The following IFTAP variants were observed in gnomAD, a reference collection of about 807,000 sequenced individuals.
IFTAP encodes the protein intraflagellar transport-associated protein.
A neutral mutation model predicts 19.4 loss-of-function variants in IFTAP; 19 were observed. The observed-to-expected ratio is 0.98, with a 90% confidence interval of 0.68 to 1.44. IFTAP has a LOEUF of 1.44. Among genes scored for constraint, IFTAP ranks in the 40% most tolerant of loss-of-function variants. The pLI is 0.00. For missense variants in IFTAP, 240 were observed against 253.6 expected, an observed-to-expected ratio of 0.95 and a Z score of 0.36; for synonymous variants, 85 against 83.5, an observed-to-expected ratio of 1.02 and a Z score of -0.10.
At chr11:36,626,761 A>G (rs1852531241) in intron 2 of IFTAP, among the ~76,000 whole-genome samples, 1 of 151,284 alleles carries the variant, frequency 6.6e-6, no homozygotes, top group African/African-American at 2.5e-5. Flanking sequence ...AGGTGATTAG[A>G]GAATTATAGC....
At chr11:36,595,677 C>T (rs1275582306) in intron 1 of IFTAP, among the ~76,000 whole-genome samples, 4 of 152,204 alleles carry the variant, frequency 2.6e-5, no homozygotes, top group Non-Finnish European at 1.5e-5. Flanking sequence ...TTTTACCAAC[C>T]TCATATATTG....
At chr11:36,639,784 A>G (rs1853122635) in intron 4 of IFTAP, among the ~76,000 whole-genome samples, 2 of 152,184 alleles carry the variant, frequency 1.3e-5, no homozygotes, top group African/African-American at 4.8e-5. Context: ...ACCAAATTTC[A>G]ACATAAGACT....
intron 1 of IFTAP, among the ~76,000 whole-genome samples, chr11:36,604,329 A>G (rs1368524117): frequency 6.6e-6 from 1 of 152,222 alleles, no homozygotes; most frequent in African/African-American, 2.4e-5. Context: ...GAAGAGGTCT[A>G]TGCCTTTTAC....
chr11:36,617,093 A>T (rs1396450534), intron 2 of IFTAP, among the ~76,000 whole-genome samples: 5 of 151,054 alleles, frequency 3.3e-5, no homozygotes, highest in Non-Finnish European at 1.5e-5. Flanking sequence ...AAATATCTCA[A>T]TATTTTTATA....
chr11:36,608,429 C>A (rs1015762012), intron 1 of IFTAP, among the ~76,000 whole-genome samples: 1 of 152,162 alleles, frequency 6.6e-6, no homozygotes, highest in Non-Finnish European at 1.5e-5. Context: ...ATTGGAGAAA[C>A]CCCTACTTTT....
At chr11:36,651,022 G>A (rs1245329363) in intron 5 of IFTAP, among the ~76,000 whole-genome samples, 2 of 152,164 alleles carry the variant, frequency 1.3e-5, no homozygotes. Context: ...ACATACGTGT[G>A]CATGTGTCTT....
chr11:36,643,516 C>T (rs990369322), intron 4 of IFTAP, among the ~76,000 whole-genome samples: 16 of 152,066 alleles, frequency 1.1e-4, no homozygotes, highest in Non-Finnish European at 1.8e-4. Flanking sequence ...TCATATGGAA[C>T]CAAAAAAGAG....
intron 4 of IFTAP, among the ~76,000 whole-genome samples, chr11:36,639,071 C>A (rs2133475779): frequency 6.6e-6 from 1 of 152,278 alleles, no homozygotes; most frequent in Admixed American, 6.5e-5. Flanking sequence ...AACCTGGTGA[C>A]TGTCATGCCT....
intron 4 of IFTAP, among the ~76,000 whole-genome samples, chr11:36,640,676 G>A (rs972091999): frequency 2.0e-5 from 3 of 152,140 alleles, no homozygotes; most frequent in African/African-American, 2.4e-5. Context: ...TGGATCAAGC[G>A]AAAATTAGAT....
chr11:36,652,721 C>T (rs903388911), intron 5 of IFTAP, among the ~76,000 whole-genome samples: 1 of 151,998 alleles, frequency 6.6e-6, no homozygotes, highest in African/African-American at 2.4e-5. Flanking sequence ...TTTTGAGATA[C>T]ATCCCATCAA....
At chr11:36,602,223 T>C (rs1851535470) in intron 1 of IFTAP, among the ~76,000 whole-genome samples, 1 of 152,200 alleles carries the variant, frequency 6.6e-6, no homozygotes, top group Non-Finnish European at 1.5e-5. Flanking sequence ...GTTGATTTTA[T>C]TTGCAAGATC....
intron 1 of IFTAP, among the ~76,000 whole-genome samples, chr11:36,604,111 T>C (rs1851605735): frequency 6.6e-6 from 1 of 152,170 alleles, no homozygotes; most frequent in Non-Finnish European, 1.5e-5. Context: ...AGGGGAAATG[T>C]ATAGCTATTA....
At chr11:36,626,851 A>G (rs1852534308) in intron 2 of IFTAP, among the ~76,000 whole-genome samples, 1 of 151,072 alleles carries the variant, frequency 6.6e-6, no homozygotes, top group Non-Finnish European at 1.5e-5. Context: ...TTATTTCATC[A>G]TGTGGGGCAG....
Position 36,659,209 on chromosome 11 carries a change from G to T in IFTAP, c.*23G>T, listed in dbSNP as rs781590307. On this transcript the variant is annotated 3_prime_UTR_variant, in exon 6 of 6. Coordinates refer to ENST00000334307, the MANE Select transcript of IFTAP (RefSeq NM_138787.4). Reference sequence around the variant, plus strand: ...TGATTCACAGAGGCATTTTGTGTGTGTGTGCTTATTTTAATTTTGTTCTTA... The same window carrying T: ...TGATTCACAGAGGCATTTTGTGTGTTTGTGCTTATTTTAATTTTGTTCTTA... The T allele has an allele frequency of 6.6e-7, 1 of 1,526,190 alleles. No individual in the cohort carries two copies. Among genetic ancestry groups the T allele is most frequent in the East Asian group, 2.3e-5 (1 of 42,840 alleles). 94.5% of individuals were successfully genotyped at this position (1,526,190 alleles called of 1,614,324 possible).
chr11:36,604,654 T>C (rs1469111775), intron 1 of IFTAP, among the ~76,000 whole-genome samples: 5 of 152,110 alleles, frequency 3.3e-5, no homozygotes, highest in Non-Finnish European at 7.4e-5. Context: ...AGGGTAAGAT[T>C]GCTGCTTTGT....
chr11:36,624,049 A>G (rs1185690389), intron 2 of IFTAP, among the ~76,000 whole-genome samples: 3 of 152,148 alleles, frequency 2.0e-5, no homozygotes, highest in Non-Finnish European at 4.4e-5. Flanking sequence ...ACCACTTTAA[A>G]AAGGAAGAAG....
chr11:36,639,140 T>C (rs2133475972), intron 4 of IFTAP, among the ~76,000 whole-genome samples: 1 of 152,264 alleles, frequency 6.6e-6, no homozygotes, highest in Non-Finnish European at 1.5e-5. Context: ...AGTTATTAGT[T>C]ATTGTGCTGA....
chr11:36,655,789 A>C (rs1454471869), intron 5 of IFTAP, among the ~76,000 whole-genome samples: 1 of 152,148 alleles, frequency 6.6e-6, no homozygotes, highest in Non-Finnish European at 1.5e-5. Flanking sequence ...TTCTTAGTGA[A>C]GAAATTTATA....
At chr11:36,615,185 C>G (rs1852034299) in intron 2 of IFTAP, among the ~76,000 whole-genome samples, 1 of 80,534 alleles carries the variant, frequency 1.2e-5, no homozygotes, top group South Asian at 4.8e-4. Context: ...GAATCCTTTC[C>G]CCATTGCTTG....
Sources: allele counts gnomAD v4.1 joint callset (sites outside exome capture counted in the v4.1 genomes callset), GRCh38; gene constraint gnomAD v4.1.1; transcripts MANE v1.5; gene names NCBI Gene and HGNC (gene_info 2026-07-23, HGNC 2026-07-21).